NECTIN3: variants seen among roughly 807,000 people sequenced by gnomAD.
The protein encoded by NECTIN3 is nectin-3.
Under a neutral mutation model 49.4 loss-of-function variants are expected in NECTIN3, and 8 were observed. That is an observed-to-expected ratio of 0.16 (90% CI 0.10 to 0.29). NECTIN3 has a LOEUF of 0.29. Among genes scored for constraint, NECTIN3 ranks in the 10% least tolerant of loss-of-function variants. The pLI, the probability that NECTIN3 is intolerant of heterozygous loss-of-function variation, is 1.00. For missense variants in NECTIN3, 581 were observed against 654.6 expected (o/e 0.89, Z 1.23); for synonymous variants, 277 against 241.1 (o/e 1.15, Z -1.38).
At chr3:111,098,059 A>T (rs2032691375) in intron 1 of NECTIN3, among the ~76,000 whole-genome samples, 1 of 152,182 alleles carries the variant, frequency 6.6e-6, no homozygotes, top group South Asian at 2.1e-4. Context: ...TTTCTAGATG[A>T]GGAAGCTGAA....
intron 1 of NECTIN3, among the ~76,000 whole-genome samples, chr3:111,098,033 A>G (rs902783907): frequency 6.6e-6 from 1 of 152,154 alleles, no homozygotes; most frequent in African/African-American, 2.4e-5. Context: ...ACCACTTTCT[A>G]GTCTAGATTC....
intron 7 of NECTIN3, among the ~76,000 whole-genome samples, chr3:111,166,360 A>G (rs1415174137): frequency 1.4e-5 from 2 of 146,228 alleles, no homozygotes; most frequent in East Asian, 3.9e-4. Flanking sequence ...TATGTCCACC[A>G]TGCTCCTTTT....
At chr3:111,123,925 T>C (rs543866679) in intron 4 of NECTIN3, among the ~76,000 whole-genome samples, 38 of 152,300 alleles carry the variant, frequency 2.5e-4, no homozygotes, top group Non-Finnish European at 2.9e-5. Flanking sequence ...GTTTTTTAAA[T>C]CTATTTTCTG....
rs968622790 is a variant in NECTIN3 at position 111,185,998 on chromosome 3, G to A, written c.1222-6353G>A. ...AATTTGTTCCTTTTTTCTAAGGCAC[G>A]AGACCAGAATCAAAGTAATTAAATA... On this transcript the variant is annotated intron_variant, in intron 7 of 8. Coordinates refer to the NECTIN3 transcript ENST00000493615. Among the ~76,000 whole-genome samples the A allele has an allele frequency of 4.6e-5, 7 of 152,024 alleles. 1 individual carries two copies. Among genetic ancestry groups the A allele is most frequent in the Admixed American group, 1.3e-4 (2 of 15,256 alleles).
intron 2 of NECTIN3, among the ~76,000 whole-genome samples, chr3:111,117,138 A>T (rs1355722581): frequency 2.6e-5 from 4 of 152,146 alleles, no homozygotes. Flanking sequence ...TCTAAAAATA[A>T]AAAAGTAAAA....
At chr3:111,119,477 G>A (rs1020812384) in intron 3 of NECTIN3, among the ~76,000 whole-genome samples, 3 of 152,068 alleles carry the variant, frequency 2.0e-5, no homozygotes, top group Admixed American at 6.6e-5. Context: ...GATTACAAGC[G>A]TGCACCACCA....
At chr3:111,096,941 C>A (rs921507453) in intron 1 of NECTIN3, among the ~76,000 whole-genome samples, 1 of 152,164 alleles carries the variant, frequency 6.6e-6, no homozygotes, top group South Asian at 2.1e-4. Flanking sequence ...CCCACAGAGT[C>A]CCCACTGGGA....
intron 7 of NECTIN3, among the ~76,000 whole-genome samples, chr3:111,165,430 A>C (rs151219220): frequency 6.6e-6 from 1 of 152,144 alleles, no homozygotes; most frequent in Non-Finnish European, 1.5e-5. Context: ...TTCACATGAC[A>C]TGTTAGATCT....
rs185297285 is a variant in NECTIN3 at position 111,165,077 on chromosome 3, C to T, written c.1221+17593C>T. Among the ~76,000 whole-genome samples, 30 of 152,052 alleles carry T rather than the reference C, an allele frequency of 2.0e-4. No homozygotes were observed. The East Asian group carries it at 4.2e-3, about 22-fold the overall frequency. On this transcript the variant is annotated intron_variant, in intron 7 of 8. Transcript: ENST00000493615. ...TTATTTATTTTTTGAGACAGAGTCT[C>T]GCTCTGTCGCCCAGGCTGGAGTGCC...
At chr3:111,095,680 C>T (rs2032544023) in intron 1 of NECTIN3, among the ~76,000 whole-genome samples, 1 of 152,140 alleles carries the variant, frequency 6.6e-6, no homozygotes. Context: ...ATCATGGGGG[C>T]AGGTCTTTCC....
At chr3:111,080,160 GAAAAT>G (rs1187079623) in intron 1 of NECTIN3, among the ~76,000 whole-genome samples, 1 of 151,994 alleles carries the variant, frequency 6.6e-6, no homozygotes, top group Non-Finnish European at 1.5e-5. Context: ...CTGTATTTAA[GAAAAT>G]AAAATTAAGA....
chr3:111,159,490 T>C (rs1320408438), intron 7 of NECTIN3, among the ~76,000 whole-genome samples: 1 of 152,158 alleles, frequency 6.6e-6, no homozygotes, highest in Non-Finnish European at 1.5e-5. Flanking sequence ...TTGTTTGTTT[T>C]TTATTTTATT....
At chr3:111,145,240 A>G (rs918741623) in intron 6 of NECTIN3, among the ~76,000 whole-genome samples, 9 of 152,202 alleles carry the variant, frequency 5.9e-5, no homozygotes, top group African/African-American at 2.2e-4. Context: ...CTAGAGGTAT[A>G]GAACAGCTTT....
chr3:111,111,898 C>CGTGT (rs2033477446), intron 1 of NECTIN3, 132 bp from the exon 2 acceptor site: 2 of 418,876 alleles, frequency 4.8e-6, no homozygotes, highest in African/African-American at 8.8e-5. Flanking sequence ...TGTGTGTGTG[C>CGTGT]ATGTGTGTGT....
chr3:111,159,923 A>G (rs1309232033), intron 7 of NECTIN3, among the ~76,000 whole-genome samples: 7 of 152,146 alleles, frequency 4.6e-5, no homozygotes, highest in African/African-American at 7.2e-5. Context: ...GCTTGCAACA[A>G]TCCTTCAGGA....
intron 1 of NECTIN3, among the ~76,000 whole-genome samples, chr3:111,078,019 A>T (rs1318978073): frequency 6.6e-6 from 1 of 152,204 alleles, no homozygotes; most frequent in East Asian, 1.9e-4. Context: ...GTTATTAAAA[A>T]TTGAGATATT....
At chr3:111,159,706 A>G (rs2035171134) in intron 7 of NECTIN3, among the ~76,000 whole-genome samples, 1 of 152,158 alleles carries the variant, frequency 6.6e-6, no homozygotes, top group South Asian at 2.1e-4. Flanking sequence ...AGCTTAAAAC[A>G]CTTCGATTAA....
chr3:111,102,538 C>G (rs1180844030), intron 1 of NECTIN3, among the ~76,000 whole-genome samples: 1 of 152,232 alleles, frequency 6.6e-6, no homozygotes, highest in Non-Finnish European at 1.5e-5. Flanking sequence ...TCCACTCAGG[C>G]AGCTGAAAGC....
Position 111,134,714 on chromosome 3 carries a change from T to C in NECTIN3, c.*499T>C. On this transcript the variant is annotated 3_prime_UTR_variant, in exon 6 of 6. Coordinates refer to ENST00000485303, the MANE Select transcript of NECTIN3 (RefSeq NM_015480.3). ...TATATTTTTTAATATACAAAAAATA[T>C]TTAGCCTGATGGAATGGCTTTCCTT... 1.1e-6 allele frequency: 1 copy of C among 883,962 alleles called. No homozygotes were observed. The highest frequency in any genetic ancestry group is 1.4e-6 in the Non-Finnish European group (1 of 737,848). 54.8% of individuals were successfully genotyped at this position (883,962 alleles called of 1,614,324 possible).
Sources: allele counts gnomAD v4.1 joint callset (sites outside exome capture counted in the v4.1 genomes callset), GRCh38; gene constraint gnomAD v4.1.1; transcripts MANE v1.5; gene names NCBI Gene and HGNC (gene_info 2026-07-23, HGNC 2026-07-21).